Variants in CFAP20DC observed in about 807,000 individuals in gnomAD.
CFAP20DC encodes the protein protein CFAP20DC.
In CFAP20DC, 84 loss-of-function variants were observed where a neutral mutation model predicts 101.7. That is an observed-to-expected ratio of 0.83 (90% CI 0.69 to 0.99). The LOEUF is 0.99. Among genes scored for constraint, CFAP20DC ranks in the 50% least tolerant of loss-of-function variants. The pLI is 0.00. For missense variants in CFAP20DC, 1,007 were observed against 970.3 expected, an observed-to-expected ratio of 1.04 and a Z score of -0.50; for synonymous variants, 359 against 351.2, an observed-to-expected ratio of 1.02 and a Z score of -0.25.
intron 4 of CFAP20DC, among the ~76,000 whole-genome samples, chr3:58,959,146 G>A (rs1038057165): frequency 9.2e-5 from 14 of 152,106 alleles, no homozygotes; most frequent in Admixed American, 7.9e-4. Context: ...CCAGGCTGGA[G>A]TGCAATGGTG....
At position 58,814,260 on chromosome 3, in the gene CFAP20DC, T is replaced by C. The variant is rs564067967; in HGVS notation, c.2176-7804A>G. 3.3e-5 allele frequency among the ~76,000 whole-genome samples: 5 copies of C among 152,034 alleles called. 1 individual carries two copies. Among genetic ancestry groups the C allele is most frequent in the South Asian group, 2.1e-4 (1 of 4,818 alleles). ...ATGACTTACTCCATCCCTTGGAAAA[T>C]AGAAGTGGTTACAGAATCCTATCTT... On this transcript the variant is annotated intron_variant, in intron 14 of 16. Transcript: ENST00000482387.
At chr3:58,816,315 G>A (rs1419392744) in intron 14 of CFAP20DC, among the ~76,000 whole-genome samples, 1 of 152,156 alleles carries the variant, frequency 6.6e-6, no homozygotes, top group African/African-American at 2.4e-5. Flanking sequence ...GAACAGCTCT[G>A]GTCTACAGCT....
At chr3:58,819,388 C>A (rs1396330884) in intron 14 of CFAP20DC, among the ~76,000 whole-genome samples, 1 of 152,086 alleles carries the variant, frequency 6.6e-6, no homozygotes, top group Admixed American at 6.5e-5. Context: ...AATTGATAGA[C>A]CTCCAGCAAG....
At chr3:58,889,705 C>A (rs1289166114) in intron 6 of CFAP20DC, among the ~76,000 whole-genome samples, 1 of 135,208 alleles carries the variant, frequency 7.4e-6, no homozygotes, top group Non-Finnish European at 1.6e-5. Context: ...TGCGGCCTTC[C>A]GCAGTGTTTG....
downstream of CFAP20DC, chr3:58,737,104 T>C (rs540060115): frequency 3.5e-4 from 149 of 430,110 alleles, 2 homozygotes; most frequent in South Asian, 2.3e-3. This position sits in a 1 kb window ranked among gnomAD's most constrained non-coding sequence, Gnocchi z 4.1. Context: ...AAAGAAAATA[T>C]CTGCAAGAGA....
At chr3:58,840,664 T>C (rs1411091445) in intron 13 of CFAP20DC, among the ~76,000 whole-genome samples, 2 of 152,184 alleles carry the variant, frequency 1.3e-5, no homozygotes, top group Non-Finnish European at 2.9e-5. Flanking sequence ...TGGAACTTTA[T>C]GAATTTGAGA....
At chr3:58,847,483 G>T (rs1169780212) in intron 13 of CFAP20DC, among the ~76,000 whole-genome samples, 1 of 150,182 alleles carries the variant, frequency 6.7e-6, no homozygotes, top group African/African-American at 2.4e-5. Flanking sequence ...TCTCACACCA[G>T]TTAGAATGGC....
At chr3:58,857,332 T>G (rs2078918058) in intron 12 of CFAP20DC, among the ~76,000 whole-genome samples, 1 of 152,204 alleles carries the variant, frequency 6.6e-6, no homozygotes, top group South Asian at 2.1e-4. Flanking sequence ...GAGTACAGCC[T>G]TTTCTTCCTT....
chr3:58,950,140 G>C (rs1430988860), intron 4 of CFAP20DC, among the ~76,000 whole-genome samples: 2 of 152,122 alleles, frequency 1.3e-5, no homozygotes, highest in Non-Finnish European at 2.9e-5. Context: ...GACAAACGGA[G>C]AGCCAAATCA....
chr3:58,816,007 T>A (rs1434533382), intron 14 of CFAP20DC, among the ~76,000 whole-genome samples: 1 of 151,836 alleles, frequency 6.6e-6, no homozygotes, highest in African/African-American at 2.4e-5. Flanking sequence ...ATCCCATTAC[T>A]GGGTATATAC....
chr3:58,810,903 A>G (rs1401679227), intron 14 of CFAP20DC, among the ~76,000 whole-genome samples: 8 of 151,880 alleles, frequency 5.3e-5, no homozygotes, highest in Non-Finnish European at 1.2e-4. Flanking sequence ...ATTCTTATAC[A>G]CCAATAACAG....
intron 4 of CFAP20DC, among the ~76,000 whole-genome samples, chr3:59,030,377 C>T (rs2093967787): frequency 6.6e-6 from 1 of 152,200 alleles, no homozygotes; most frequent in African/African-American, 2.4e-5. Context: ...CTTCCTAAAA[C>T]AGCACTATAT....
intron 14 of CFAP20DC, among the ~76,000 whole-genome samples, chr3:58,826,431 C>G (rs533983254): frequency 3.0e-4 from 45 of 152,226 alleles, no homozygotes; most frequent in Admixed American, 1.8e-3. Flanking sequence ...AGGTATTTCT[C>G]CTAATGCTAT....
At chr3:58,805,589 C>T (rs567576569) in intron 15 of CFAP20DC, among the ~76,000 whole-genome samples, 2 of 152,298 alleles carry the variant, frequency 1.3e-5, no homozygotes, top group South Asian at 2.1e-4. Context: ...AGGTCAGATG[C>T]GTTTGGATAA....
chr3:58,849,441 G>C, intron 12 of CFAP20DC, 32 bp from the exon 13 acceptor site: 1 of 1,465,862 alleles, frequency 6.8e-7, no homozygotes, highest in East Asian at 2.5e-5. Context: ...AAATAATTTT[G>C]AGCAGAAATT....
intron 13 of CFAP20DC, among the ~76,000 whole-genome samples, chr3:58,834,467 T>C (rs1202063178): frequency 2.0e-5 from 3 of 152,210 alleles, no homozygotes; most frequent in African/African-American, 2.4e-5. Flanking sequence ...CTTCATATGA[T>C]TGAGTCATTC....
chr3:58,760,377 T>G (rs1363042957), intron 15 of CFAP20DC, among the ~76,000 whole-genome samples: 1 of 152,116 alleles, frequency 6.6e-6, no homozygotes, highest in South Asian at 2.1e-4. Flanking sequence ...TTTTTGCACA[T>G]CGATTTTGTA....
intron 15 of CFAP20DC, among the ~76,000 whole-genome samples, chr3:58,765,237 C>T (rs1423521332): frequency 6.6e-6 from 1 of 151,876 alleles, no homozygotes; most frequent in Admixed American, 6.6e-5. Flanking sequence ...TATTAATGTG[C>T]TTCCTATAAG....
chr3:58,845,849 C>G lies in CFAP20DC; in HGVS notation c.1971+3183G>C, dbSNP rs866386746. On this transcript the variant is annotated intron_variant, in intron 13 of 16. Coordinates refer to ENST00000482387, the MANE Select transcript of CFAP20DC (RefSeq NM_001394063.1). ...TGGGCTTCATCCCTGGGTTGCAAGG[C>G]TGGTTCAATATACGCAAATCAATAA... Among the ~76,000 whole-genome samples, 657 of 150,910 alleles carry G rather than the reference C, an allele frequency of 4.4e-3. 5 individuals are homozygous for G. The highest frequency in any genetic ancestry group is 0.015 in the African/African-American group (622 of 41,040).
Sources: allele counts gnomAD v4.1 joint callset (sites outside exome capture counted in the v4.1 genomes callset), GRCh38; gene constraint gnomAD v4.1.1; non-coding constraint Gnocchi (gnomAD v3.1); transcripts MANE v1.5; gene names NCBI Gene and HGNC (gene_info 2026-07-23, HGNC 2026-07-21).